The following B3GALT1 variants were observed in gnomAD, a reference collection of about 807,000 sequenced individuals.
B3GALT1 encodes the protein UDP-Gal:betaGlcNAc beta 1,3-galactosyltransferase, polypeptide 1.
A neutral mutation model predicts 23.2 loss-of-function variants in B3GALT1; 10 were observed. That is an observed-to-expected ratio of 0.43 (90% CI 0.27 to 0.73). The LOEUF (loss-of-function observed/expected upper bound fraction) is 0.73, where lower values mean the gene tolerates loss of function less well. Ranked by LOEUF, B3GALT1 falls within the 30% of genes least tolerant of loss-of-function variation. The probability of loss-of-function intolerance (pLI) is 0.21; values close to 1 mark genes in which losing one functional copy is unlikely to be tolerated. For missense variants in B3GALT1, 299 were observed against 405.4 expected (o/e 0.74, Z 2.25); for synonymous variants, 156 against 141.5 (o/e 1.10, Z -0.73).
chr2:167,780,088 A>G (rs1025117192), intron 3 of B3GALT1, among the ~76,000 whole-genome samples: 1 of 152,216 alleles, frequency 6.6e-6, no homozygotes, highest in Non-Finnish European at 1.5e-5. Flanking sequence ...AAAATATATT[A>G]CAAGTGTTTA....
intron 1 of B3GALT1, among the ~76,000 whole-genome samples, chr2:167,345,137 C>G (rs1437910482): frequency 6.6e-6 from 1 of 152,126 alleles, no homozygotes; most frequent in Non-Finnish European, 1.5e-5. Flanking sequence ...TCATTTGAAT[C>G]AAGAATGATT....
At chr2:167,337,650 T>G (rs1697079862) in intron 1 of B3GALT1, among the ~76,000 whole-genome samples, 1 of 152,122 alleles carries the variant, frequency 6.6e-6, no homozygotes. Flanking sequence ...AGCAGTTTCT[T>G]TTTTCTAGAG....
rs73019358 is a variant in B3GALT1, at chr2:167,743,572, A to G, written c.-351-75100A>G. On this transcript the variant is annotated intron_variant, in intron 3 of 4. Transcript: ENST00000392690. ...TTTCCATTGAAATGTTTTTGTAGTTATAGAACTATTTCACTTTTCTATATT... is the reference window on the plus strand; with the variant it reads ...TTTCCATTGAAATGTTTTTGTAGTTGTAGAACTATTTCACTTTTCTATATT... Among the ~76,000 whole-genome samples the G allele has an allele frequency of 3.5e-3, 535 of 152,122 alleles. 4 individuals are homozygous for G. The highest frequency in any genetic ancestry group is 0.012 in the African/African-American group (505 of 41,516).
chr2:167,556,166 C>G (rs1683846244), intron 2 of B3GALT1, among the ~76,000 whole-genome samples: 1 of 151,924 alleles, frequency 6.6e-6, no homozygotes, highest in Non-Finnish European at 1.5e-5. Flanking sequence ...AAAGATCACT[C>G]TATATGGAAG....
intron 1 of B3GALT1, among the ~76,000 whole-genome samples, chr2:167,294,615 C>G (rs189656734): frequency 6.6e-6 from 1 of 152,262 alleles, no homozygotes; most frequent in East Asian, 1.9e-4. Context: ...TAGGAAAGTT[C>G]TTGAAATACC....
intron 1 of B3GALT1, among the ~76,000 whole-genome samples, chr2:167,355,042 G>A (rs1235149559): frequency 2.6e-5 from 4 of 152,166 alleles, no homozygotes; most frequent in Admixed American, 6.5e-5. Flanking sequence ...CCAGGATCAG[G>A]TGTTGTCTCC....
intron 2 of B3GALT1, among the ~76,000 whole-genome samples, chr2:167,559,469 G>A (rs1027973505): frequency 2.0e-5 from 3 of 152,290 alleles, no homozygotes; most frequent in East Asian, 1.9e-4. Flanking sequence ...TGACTTTGAC[G>A]AGTTGAGAGA....
At chr2:167,405,334 A>T (rs1349786243) in intron 1 of B3GALT1, among the ~76,000 whole-genome samples, 1 of 152,112 alleles carries the variant, frequency 6.6e-6, no homozygotes, top group Non-Finnish European at 1.5e-5. Context: ...AATAATCCTA[A>T]ATGTGTCCAA....
intron 1 of B3GALT1, among the ~76,000 whole-genome samples, chr2:167,361,844 C>T (rs553579919): frequency 5.3e-5 from 8 of 152,046 alleles, no homozygotes; most frequent in Non-Finnish European, 8.8e-5. Context: ...GAGACCGAGA[C>T]GGGTGGATCA....
At chr2:167,341,955 A>G (rs1428944523) in intron 1 of B3GALT1, among the ~76,000 whole-genome samples, 4 of 152,166 alleles carry the variant, frequency 2.6e-5, no homozygotes, top group Non-Finnish European at 4.4e-5. Flanking sequence ...ATTTTAAATA[A>G]ATTGATGGAC....
At chr2:167,562,500 AAAGAGG>A (rs1254801494) in intron 2 of B3GALT1, among the ~76,000 whole-genome samples, 1 of 152,120 alleles carries the variant, frequency 6.6e-6, no homozygotes, top group Non-Finnish European at 1.5e-5. Flanking sequence ...TCAATTAGGA[AAAGAGG>A]AAGTCAAATT....
chr2:167,826,913 T>A (rs1367008381), intron 4 of B3GALT1, among the ~76,000 whole-genome samples: 1 of 152,230 alleles, frequency 6.6e-6, no homozygotes, highest in Non-Finnish European at 1.5e-5. Flanking sequence ...CCATGTTATA[T>A]AAGGAACTTA....
intron 4 of B3GALT1, among the ~76,000 whole-genome samples, chr2:167,836,258 C>A (rs1220612184): frequency 6.6e-6 from 1 of 152,008 alleles, no homozygotes; most frequent in Non-Finnish European, 1.5e-5. Context: ...AAACCAAAGG[C>A]AAAGAAGTTA....
At chr2:167,510,665 C>A (rs2105353905) in intron 2 of B3GALT1, among the ~76,000 whole-genome samples, 1 of 152,120 alleles carries the variant, frequency 6.6e-6, no homozygotes, top group Admixed American at 6.5e-5. Context: ...TCAGGGTTTT[C>A]ACCTGAAAAA....
chr2:167,380,623 T>C (rs1697835710), intron 1 of B3GALT1, among the ~76,000 whole-genome samples: 1 of 152,128 alleles, frequency 6.6e-6, no homozygotes, highest in Admixed American at 6.5e-5. Context: ...TGGCATCCTG[T>C]TCTCAGTCCT....
chr2:167,593,755 G>A (rs1265134957), intron 2 of B3GALT1, among the ~76,000 whole-genome samples: 3 of 152,302 alleles, frequency 2.0e-5, no homozygotes, highest in East Asian at 3.9e-4. Context: ...GGTGATGGGC[G>A]GTGCAGTTCC....
At chr2:167,684,597 G>T (rs1574211690) in intron 3 of B3GALT1, among the ~76,000 whole-genome samples, 2 of 152,180 alleles carry the variant, frequency 1.3e-5, no homozygotes, top group Admixed American at 1.3e-4. Context: ...CTGCTCCCAT[G>T]ATAAATATAA....
chr2:167,718,372 T>C (rs1356957841), intron 3 of B3GALT1, among the ~76,000 whole-genome samples: 1 of 152,204 alleles, frequency 6.6e-6, no homozygotes, highest in Non-Finnish European at 1.5e-5. Context: ...AAAGACATGA[T>C]ATAAATATGT....
chr2:167,802,127 T>C, intron 3 of B3GALT1, among the ~76,000 whole-genome samples: 1 of 152,234 alleles, frequency 6.6e-6, no homozygotes, highest in East Asian at 1.9e-4. Context: ...ACTGTAGACC[T>C]GTAGCCACAC....
Sources: allele counts gnomAD v4.1 joint callset (sites outside exome capture counted in the v4.1 genomes callset), GRCh38; gene constraint gnomAD v4.1.1; transcripts MANE v1.5; gene names NCBI Gene and HGNC (gene_info 2026-07-23, HGNC 2026-07-21).